NTM: variants seen among roughly 807,000 people sequenced by gnomAD.
NTM encodes the protein IgLON family member 2.
NTM carries 13 observed loss-of-function variants against 42.1 expected under a neutral mutation model. The ratio of observed to expected loss-of-function variants is 0.31; its 90% CI spans 0.20 to 0.49. The LOEUF (loss-of-function observed/expected upper bound fraction) is 0.49. NTM is among the 20% of genes least tolerant of loss of function. NTM has a pLI of 0.99. For synonymous variants in NTM, 187 were observed against 179.2 expected, an observed-to-expected ratio of 1.04 and a Z score of -0.35; for missense variants, 373 against 452.8, an observed-to-expected ratio of 0.82 and a Z score of 1.60.
intron 3 of NTM, among the ~76,000 whole-genome samples, chr11:132,197,173 G>T (rs2138382119): frequency 6.6e-6 from 1 of 152,286 alleles, no homozygotes. Flanking sequence ...AGTAAGGTAA[G>T]TAGAGAATAA....
intron 3 of NTM, among the ~76,000 whole-genome samples, chr11:132,180,272 G>A (rs1252757562): frequency 1.3e-5 from 2 of 152,122 alleles, no homozygotes; most frequent in African/African-American, 4.8e-5. Context: ...TGTTGGAGAT[G>A]ATTAGTGAAG....
intron 2 of NTM, among the ~76,000 whole-genome samples, chr11:131,916,368 C>T (rs1263298515): frequency 6.6e-6 from 1 of 152,212 alleles, no homozygotes. Flanking sequence ...AAAGTGCATT[C>T]TTTCCTGGGG....
At chr11:132,033,982 A>G (rs1227495937) in intron 2 of NTM, among the ~76,000 whole-genome samples, 1 of 152,176 alleles carries the variant, frequency 6.6e-6, no homozygotes, top group Non-Finnish European at 1.5e-5. Flanking sequence ...CTTAAAGATC[A>G]TCTCATCTAA....
chr11:131,506,744 T>C (rs998189283), intron 1 of NTM, among the ~76,000 whole-genome samples: 1 of 152,200 alleles, frequency 6.6e-6, no homozygotes, highest in South Asian at 2.1e-4. Context: ...GCTCTTCACT[T>C]CCTCTCCTTT....
intron 1 of NTM, among the ~76,000 whole-genome samples, chr11:131,561,646 G>A (rs1256652291): frequency 6.6e-6 from 1 of 152,076 alleles, no homozygotes; most frequent in African/African-American, 2.4e-5. Context: ...GTCTCCGCTG[G>A]GGGACAGGCA....
chr11:131,632,835 C>T lies in NTM; in HGVS notation c.82+261947C>T, dbSNP rs149761302. 2.9e-3 allele frequency among the ~76,000 whole-genome samples: 439 copies of T among 150,930 alleles called. 9 individuals carry two copies. The highest frequency in any genetic ancestry group is 0.013 in the East Asian group (67 of 5,150). On this transcript the variant is annotated intron_variant, in intron 1 of 8. Transcript: ENST00000683400. ...GACTACAGGCACGTGCCACCATGCC[C>T]GGCTAATTTTTGTATTTTTAGTAGA...
At chr11:131,805,640 A>G (rs1233715890) in intron 1 of NTM, among the ~76,000 whole-genome samples, 1 of 152,240 alleles carries the variant, frequency 6.6e-6, no homozygotes, top group Non-Finnish European at 1.5e-5. Context: ...ACAGTAAATG[A>G]TCAATAATGT....
At chr11:131,436,235 G>C (rs574759371) in intron 1 of NTM, among the ~76,000 whole-genome samples, 1 of 152,152 alleles carries the variant, frequency 6.6e-6, no homozygotes, top group African/African-American at 2.4e-5. Context: ...CAGGGATATT[G>C]GTCTAAAATT....
intron 1 of NTM, among the ~76,000 whole-genome samples, chr11:131,509,022 A>G (rs1198213109): frequency 1.3e-5 from 2 of 151,544 alleles, no homozygotes; most frequent in Non-Finnish European, 2.9e-5. Context: ...GTACCCTAGA[A>G]CTTAAAGTAT....
chr11:131,509,679 C>G (rs7113617), intron 1 of NTM, among the ~76,000 whole-genome samples: 1 of 152,046 alleles, frequency 6.6e-6, no homozygotes, highest in Non-Finnish European at 1.5e-5. Flanking sequence ...TTTTCTAGTT[C>G]TTTACCACAC....
chr11:131,839,800 T>C (rs1592205119), intron 1 of NTM, among the ~76,000 whole-genome samples: 1 of 152,226 alleles, frequency 6.6e-6, no homozygotes, highest in East Asian at 1.9e-4. Flanking sequence ...ATGAAAATGA[T>C]GGGAGGTCTG....
chr11:131,656,271 G>C (rs2067176241), intron 1 of NTM, among the ~76,000 whole-genome samples: 1 of 152,160 alleles, frequency 6.6e-6, no homozygotes. Flanking sequence ...CCAGTTACGG[G>C]GGTGGCTGGA....
intron 1 of NTM, among the ~76,000 whole-genome samples, chr11:131,417,881 G>A (rs1257763063): frequency 6.6e-6 from 1 of 152,174 alleles, no homozygotes; most frequent in East Asian, 1.9e-4. Context: ...AGTCCCTTTG[G>A]CAGTGTAAGC....
intron 2 of NTM, among the ~76,000 whole-genome samples, chr11:132,062,161 G>A (rs1196140443): frequency 6.6e-6 from 1 of 152,098 alleles, no homozygotes; most frequent in Non-Finnish European, 1.5e-5. Context: ...ACCACCCCAG[G>A]TGCAAAAAAT....
At chr11:131,485,075 T>C (rs1352381969) in intron 1 of NTM, among the ~76,000 whole-genome samples, 1 of 152,202 alleles carries the variant, frequency 6.6e-6, no homozygotes, top group Non-Finnish European at 1.5e-5. Flanking sequence ...GAGTCTGTAG[T>C]ATTCAATGCC....
At chr11:131,447,389 T>C (rs1950139924) in intron 1 of NTM, among the ~76,000 whole-genome samples, 1 of 152,174 alleles carries the variant, frequency 6.6e-6, no homozygotes, top group Non-Finnish European at 1.5e-5. Flanking sequence ...ACTTGGGCCC[T>C]GATGAATTTT....
chr11:132,145,517 G>A (rs2070192124), intron 2 of NTM, among the ~76,000 whole-genome samples: 1 of 152,178 alleles, frequency 6.6e-6, no homozygotes, highest in Non-Finnish European at 1.5e-5. Context: ...AAATTTAAAA[G>A]TGTAGAAAAG....
intron 2 of NTM, among the ~76,000 whole-genome samples, chr11:132,019,421 A>G (rs1455878230): frequency 6.6e-6 from 1 of 151,920 alleles, no homozygotes; most frequent in Non-Finnish European, 1.5e-5. Flanking sequence ...GAAATCTCCA[A>G]CTTTAAATGG....
At chr11:131,622,823 G>A (rs759648245) in intron 1 of NTM, among the ~76,000 whole-genome samples, 4 of 152,116 alleles carry the variant, frequency 2.6e-5, no homozygotes, top group Non-Finnish European at 5.9e-5. Flanking sequence ...CTGAGCAATC[G>A]CACCGACCCT....
Sources: gnomAD v4.1 joint callset for allele counts (sites outside exome capture counted in the v4.1 genomes callset) on GRCh38, gnomAD v4.1.1 for gene constraint, MANE v1.5 for transcripts, NCBI Gene and HGNC (gene_info 2026-07-23, HGNC 2026-07-21) for gene names.